The following MALL variants were observed in gnomAD, a reference collection of about 807,000 sequenced individuals.
MALL encodes mal, T cell differentiation protein like, also known as MAL-like protein.
In MALL, 2 loss-of-function variants were observed where a neutral mutation model predicts 10.3. That is an observed-to-expected ratio of 0.19 (90% CI 0.08 to 0.61). MALL has a LOEUF of 0.61. Among genes scored for constraint, MALL ranks in the 20% least tolerant of loss-of-function variants. The probability of loss-of-function intolerance (pLI) is 0.88; values close to 1 mark genes in which losing one functional copy is unlikely to be tolerated. For missense variants in MALL, 39 were observed against 115.2 expected (o/e 0.34, Z 3.03); for synonymous variants, 27 against 51.8 (o/e 0.52, Z 2.05).
At chr2:110,116,979 C>A (rs907583399), upstream of MALL, among the ~76,000 whole-genome samples, 2 of 152,156 alleles carry the variant, frequency 1.3e-5, no homozygotes, top group African/African-American at 4.8e-5. Flanking sequence ...GGTGGGGAGA[C>A]CAGCCAGCTT....
intron 1 of MALL, among the ~76,000 whole-genome samples, chr2:110,100,307 T>C (rs1678535249): frequency 6.6e-6 from 1 of 152,102 alleles, no homozygotes; most frequent in Admixed American, 6.5e-5. Context: ...AATGAGATAC[T>C]GTCTCTAGAA....
intron 1 of MALL, among the ~76,000 whole-genome samples, chr2:110,108,789 C>A (rs1678746101): frequency 6.6e-6 from 1 of 152,140 alleles, no homozygotes; most frequent in African/African-American, 2.4e-5. Context: ...AGCTGTGAGA[C>A]AAAAGCACCA....
intron 1 of MALL, among the ~76,000 whole-genome samples, chr2:110,111,746 A>G (rs557661782): frequency 1.3e-4 from 20 of 152,270 alleles, no homozygotes; most frequent in Non-Finnish European, 2.4e-4. Context: ...TAAAATTCAT[A>G]TGGAACAAAA....
chr2:110,112,573 C>CAA (rs554966814), intron 1 of MALL, among the ~76,000 whole-genome samples: 2 of 146,570 alleles, frequency 1.4e-5, no homozygotes, highest in South Asian at 2.1e-4. Context: ...ATCAAAAAAT[C>CAA]AAAAAAAAAA....
upstream of MALL, chr2:110,116,084 A>G: frequency 3.2e-6 from 1 of 314,114 alleles, no homozygotes; most frequent in Non-Finnish European, 5.8e-6. Context: ...CCCCCGGAGC[A>G]TGTTATTCCA....
rs543910947 is a variant in MALL, at chr2:110,098,178, T to TGCCTACTAGATACCTCTCTC, written c.106-6428_106-6409dup. Among the ~76,000 whole-genome samples the TGCCTACTAGATACCTCTCTC allele has an allele frequency of 7.9e-5, 12 of 151,684 alleles. 1 individual carries two copies. The South Asian group carries it at 2.5e-3, about 32-fold the overall frequency. On this transcript the variant is annotated intron_variant, in intron 1 of 3. Coordinates refer to ENST00000272462, the MANE Select transcript of MALL (RefSeq NM_005434.5). ...CATGCTGTTTAAGTCCAGGCTCTCT[T>TGCCTACTAGATACCTCTCTC]GCCTACTAGATACCTCTCTCTCTTT...
At chr2:110,101,014 G>A (rs1386069760) in intron 1 of MALL, among the ~76,000 whole-genome samples, 2 of 151,570 alleles carry the variant, frequency 1.3e-5, no homozygotes, top group East Asian at 3.9e-4. Context: ...GCTGTGCTGG[G>A]TGCTCCTGGG....
intron 1 of MALL, among the ~76,000 whole-genome samples, chr2:110,099,571 G>A (rs1029448716): frequency 2.6e-5 from 4 of 152,168 alleles, no homozygotes; most frequent in African/African-American, 9.6e-5. Context: ...TGCAGAGAGA[G>A]TTCTCTCATT....
chr2:110,096,189 A>C (rs1678435912), intron 1 of MALL, among the ~76,000 whole-genome samples: 1 of 152,056 alleles, frequency 6.6e-6, no homozygotes, highest in Non-Finnish European at 1.5e-5. Flanking sequence ...CCTGCCCCAG[A>C]GAGTCTGCTT....
chr2:110,117,620 TGTGTGAGAGAGA>T (rs1361538517), upstream of MALL, among the ~76,000 whole-genome samples: 1,311 of 133,280 alleles, frequency 9.8e-3, 14 homozygotes, highest in African/African-American at 0.035. Flanking sequence ...TGTGTGTGTG[TGTGTGAGAGAGA>T]GAGAGAGAGA....
At chr2:110,105,849 G>A (rs189131208) in intron 1 of MALL, among the ~76,000 whole-genome samples, 8 of 152,144 alleles carry the variant, frequency 5.3e-5, no homozygotes, top group Non-Finnish European at 8.8e-5. Flanking sequence ...GGGGGCTCCC[G>A]GGAAGCCCCT....
intron 1 of MALL, 148 bp downstream of exon 1, chr2:110,115,540 C>A (rs1007247632): frequency 9.2e-6 from 4 of 433,510 alleles, no homozygotes; most frequent in Non-Finnish European, 1.2e-5. Context: ...CGGTCTCCCC[C>A]CCCCTCTCTG....
chr2:110,100,575 T>A (rs1354527508), intron 1 of MALL, among the ~76,000 whole-genome samples: 3 of 152,154 alleles, frequency 2.0e-5, no homozygotes, highest in Non-Finnish European at 4.4e-5. Flanking sequence ...TTGTTTCACT[T>A]ACACACACAC....
At chr2:110,104,122 C>A (rs949081859) in intron 1 of MALL, among the ~76,000 whole-genome samples, 1 of 152,166 alleles carries the variant, frequency 6.6e-6, no homozygotes, top group Non-Finnish European at 1.5e-5. Context: ...CCAGCACCCC[C>A]ACACTGGTCT....
intron 1 of MALL, among the ~76,000 whole-genome samples, chr2:110,103,303 C>A (rs187131383): frequency 1.7e-4 from 26 of 152,142 alleles, no homozygotes; most frequent in Admixed American, 1.7e-3. Context: ...GATGGGGGAG[C>A]TTGACCAGGT....
At chr2:110,098,651 T>G (rs1306445966) in intron 1 of MALL, among the ~76,000 whole-genome samples, 2 of 152,180 alleles carry the variant, frequency 1.3e-5, no homozygotes, top group Non-Finnish European at 2.9e-5. Context: ...CTTTTGGCTA[T>G]TGTGAATAAT....
intron 1 of MALL, among the ~76,000 whole-genome samples, chr2:110,103,219 C>T (rs1350569621): frequency 6.6e-6 from 1 of 152,062 alleles, no homozygotes; most frequent in South Asian, 2.1e-4. Context: ...TGCTGTGGAA[C>T]GCGGTACAAG....
intron 1 of MALL, among the ~76,000 whole-genome samples, chr2:110,106,923 G>A (rs1678708715): frequency 6.6e-6 from 1 of 152,194 alleles, no homozygotes; most frequent in South Asian, 2.1e-4. Context: ...CAGCTTGGAT[G>A]GTGCTCAAGA....
In MALL at chr2:110,101,968, G is replaced by A. The variant is rs535609581; in HGVS notation, c.106-10198C>T. Among the ~76,000 whole-genome samples the A allele has an allele frequency of 9.2e-5, 14 of 152,092 alleles. 1 individual carries two copies. The highest frequency in any genetic ancestry group is 5.2e-4 in the Admixed American group (8 of 15,266). ...GGGGAAGGCATCCTGCTCCCACCGC[G>A]GCCCGGTGGCTGGGCTTCCCCACTC... On this transcript the variant is annotated intron_variant, in intron 1 of 3. Coordinates refer to ENST00000272462, the MANE Select transcript of MALL (RefSeq NM_005434.5).
Sources: allele counts gnomAD v4.1 joint callset (sites outside exome capture counted in the v4.1 genomes callset), GRCh38; gene constraint gnomAD v4.1.1; transcripts MANE v1.5; gene names NCBI Gene and HGNC (gene_info 2026-07-23, HGNC 2026-07-21).